The following AGBL4 variants were observed in gnomAD, a reference collection of about 807,000 sequenced individuals.
AGBL4 encodes the protein cytosolic carboxypeptidase 6.
In AGBL4, 58 loss-of-function variants were observed where a neutral mutation model predicts 66.4. That is an observed-to-expected ratio of 0.87 (90% CI 0.71 to 1.09). The LOEUF is 1.09. AGBL4 is among the 50% of genes least tolerant of loss of function. AGBL4 has a pLI of 0.00. For missense variants in AGBL4, 579 were observed against 631.0 expected (o/e 0.92, Z 0.88); for synonymous variants, 234 against 222.9 (o/e 1.05, Z -0.44).
chr1:49,608,127 G>A (rs752593657), intron 3 of AGBL4, among the ~76,000 whole-genome samples: 1 of 152,038 alleles, frequency 6.6e-6, no homozygotes, highest in African/African-American at 2.4e-5. Flanking sequence ...TATTGATGTA[G>A]GTTCTTAAAA....
intron 3 of AGBL4, among the ~76,000 whole-genome samples, chr1:49,673,776 C>T (rs910082305): frequency 6.6e-6 from 1 of 151,786 alleles, no homozygotes; most frequent in Admixed American, 6.6e-5. Flanking sequence ...AAATAAAGCT[C>T]ACAGATCAGT....
chr1:48,709,679 G>T (rs1438179678), intron 6 of AGBL4, among the ~76,000 whole-genome samples: 1 of 151,556 alleles, frequency 6.6e-6, no homozygotes, highest in Non-Finnish European at 1.5e-5. Flanking sequence ...TCAGCTCACT[G>T]CAAGGTCTGC....
intron 3 of AGBL4, among the ~76,000 whole-genome samples, chr1:49,452,123 C>T (rs1646290620): frequency 6.6e-6 from 1 of 151,802 alleles, no homozygotes; most frequent in Non-Finnish European, 1.5e-5. Flanking sequence ...ATTACATGAC[C>T]TCCACTGGTT....
Position 49,073,096 on chromosome 1 carries a change from G to A in AGBL4, c.378-27296C>T, listed in dbSNP as rs535229574. ...TCGTGCTACGTTTTTCAGCTCCAAC[G>A]GGTCATTTATGTTCTCCTCTACACT... is the stretch of plus-strand genomic sequence containing the variant. On this transcript the variant is annotated intron_variant, in intron 4 of 13. Transcript: ENST00000371839. 1.2e-4 allele frequency among the ~76,000 whole-genome samples: 18 copies of A among 152,096 alleles called. No individual in the cohort carries two copies. In the South Asian group the frequency reaches 2.9e-3, roughly 25 times the overall value.
At chr1:49,682,047 A>T (rs1381603777) in intron 3 of AGBL4, among the ~76,000 whole-genome samples, 2 of 152,218 alleles carry the variant, frequency 1.3e-5, no homozygotes, top group African/African-American at 4.8e-5. Flanking sequence ...TTAAAAAAAT[A>T]AATCTGGAAT....
intron 6 of AGBL4, among the ~76,000 whole-genome samples, chr1:48,848,805 T>A (rs1340703223): frequency 1.3e-5 from 2 of 152,178 alleles, no homozygotes; most frequent in Non-Finnish European, 2.9e-5. Flanking sequence ...TAGTTAGAAA[T>A]GTCAACGTTC....
At chr1:48,779,117 G>C (rs1645223668) in intron 6 of AGBL4, among the ~76,000 whole-genome samples, 1 of 152,192 alleles carries the variant, frequency 6.6e-6, no homozygotes, top group East Asian at 1.9e-4. Flanking sequence ...CAAGACTTCT[G>C]ATAATTCACA....
chr1:48,625,371 T>A (rs1645486770), intron 9 of AGBL4, among the ~76,000 whole-genome samples: 1 of 152,048 alleles, frequency 6.6e-6, no homozygotes, highest in African/African-American at 2.4e-5. Context: ...TCTCCCTCTC[T>A]CCTAACACAC....
intron 1 of AGBL4, among the ~76,000 whole-genome samples, chr1:49,933,634 C>A (rs1000455089): frequency 6.6e-6 from 1 of 151,922 alleles, no homozygotes; most frequent in South Asian, 2.1e-4. Context: ...CAAATTATGA[C>A]AATAACAAAG....
At chr1:48,730,687 A>C (rs563508846) in intron 6 of AGBL4, among the ~76,000 whole-genome samples, 2 of 152,350 alleles carry the variant, frequency 1.3e-5, no homozygotes, top group Admixed American at 1.3e-4. Context: ...GTTGATTAAA[A>C]GGCTTTCGTT....
At chr1:49,936,528 A>T (rs1376605287) in intron 1 of AGBL4, among the ~76,000 whole-genome samples, 1 of 152,180 alleles carries the variant, frequency 6.6e-6, no homozygotes, top group African/African-American at 2.4e-5. Context: ...TCCAGGACAC[A>T]TAATTGTCAG....
At chr1:49,839,786 T>G (rs908032128) in intron 2 of AGBL4, among the ~76,000 whole-genome samples, 7 of 152,184 alleles carry the variant, frequency 4.6e-5, no homozygotes, top group African/African-American at 1.7e-4. Context: ...TTGTGATATA[T>G]TACAATCATC....
intron 3 of AGBL4, among the ~76,000 whole-genome samples, chr1:49,346,201 CTA>C (rs1645631072): frequency 6.6e-6 from 1 of 152,126 alleles, no homozygotes; most frequent in Non-Finnish European, 1.5e-5. Context: ...GTTTCAAAAA[CTA>C]TGTTATACCT....
At chr1:49,648,884 T>C (rs961352463) in intron 3 of AGBL4, among the ~76,000 whole-genome samples, 1 of 151,870 alleles carries the variant, frequency 6.6e-6, no homozygotes, top group East Asian at 1.9e-4. Context: ...ATTATATACC[T>C]AAGAAATTCA....
intron 3 of AGBL4, among the ~76,000 whole-genome samples, chr1:49,614,420 A>G (rs1177190652): frequency 6.6e-6 from 1 of 152,148 alleles, no homozygotes; most frequent in Non-Finnish European, 1.5e-5. Flanking sequence ...ATGGTATTCC[A>G]TGGTATGAGG....
At chr1:49,242,676 C>T (rs1263226180) in intron 4 of AGBL4, among the ~76,000 whole-genome samples, 1 of 151,860 alleles carries the variant, frequency 6.6e-6, no homozygotes, top group Non-Finnish European at 1.5e-5. Context: ...AGAGCCCTAA[C>T]CACAATCCTT....
intron 1 of AGBL4, among the ~76,000 whole-genome samples, chr1:49,852,455 T>TA (rs1165251365): frequency 1.3e-5 from 2 of 152,214 alleles, no homozygotes; most frequent in South Asian, 2.1e-4. Context: ...TACAGGTCTC[T>TA]ACCAGGTATT....
intron 3 of AGBL4, among the ~76,000 whole-genome samples, chr1:49,562,760 T>G (rs1417530494): frequency 6.6e-6 from 1 of 152,148 alleles, no homozygotes; most frequent in East Asian, 1.9e-4. Flanking sequence ...CCAGCTTTGT[T>G]CTTTTGGCTT....
chr1:49,364,513 T>C (rs776837942), intron 3 of AGBL4, among the ~76,000 whole-genome samples: 4 of 151,732 alleles, frequency 2.6e-5, no homozygotes, highest in Non-Finnish European at 4.4e-5. Flanking sequence ...TTGTCTCTCA[T>C]TGTTGCCCAG....
Sources: allele counts gnomAD v4.1 joint callset (sites outside exome capture counted in the v4.1 genomes callset), GRCh38; gene constraint gnomAD v4.1.1; transcripts MANE v1.5; gene names NCBI Gene and HGNC (gene_info 2026-07-23, HGNC 2026-07-21).